The following ANO6 variants were observed in gnomAD, a reference collection of about 807,000 sequenced individuals.
ANO6 encodes the protein anoctamin-6.
In ANO6, 106 loss-of-function variants were observed where a neutral mutation model predicts 117.5. That is an observed-to-expected ratio of 0.90 (90% CI 0.77 to 1.06). The LOEUF is 1.06. Among genes scored for constraint, ANO6 ranks in the 50% least tolerant of loss-of-function variants. ANO6 has a pLI of 0.00. For synonymous variants in ANO6, 367 were observed against 385.1 expected (o/e 0.95, Z 0.55); for missense variants, 955 against 1,121.1 (o/e 0.85, Z 2.12).
At chr12:45,249,438 A>G (rs1947870793) in intron 1 of ANO6, among the ~76,000 whole-genome samples, 1 of 152,234 alleles carries the variant, frequency 6.6e-6, no homozygotes, top group Admixed American at 6.5e-5. Flanking sequence ...GAAAGTTTAT[A>G]AAGGTTTATA....
chr12:45,254,966 T>G (rs1937758874), intron 1 of ANO6, among the ~76,000 whole-genome samples: 1 of 152,230 alleles, frequency 6.6e-6, no homozygotes, highest in African/African-American at 2.4e-5. Flanking sequence ...AACTCATATA[T>G]TTTATGATTG....
intron 1 of ANO6, among the ~76,000 whole-genome samples, chr12:45,252,185 G>A (rs1365681631): frequency 2.0e-5 from 3 of 152,208 alleles, no homozygotes; most frequent in Non-Finnish European, 4.4e-5. Flanking sequence ...GATAGTGCCA[G>A]TTTCACCTGG....
intron 1 of ANO6, among the ~76,000 whole-genome samples, chr12:45,297,197 C>A (rs1447213791): frequency 6.6e-6 from 1 of 152,162 alleles, no homozygotes; most frequent in Non-Finnish European, 1.5e-5. Flanking sequence ...TATTCACTAT[C>A]TTTGATAATT....
intron 15 of ANO6, among the ~76,000 whole-genome samples, chr12:45,406,417 T>G (rs1377784896): frequency 1.3e-5 from 2 of 152,218 alleles, no homozygotes; most frequent in Non-Finnish European, 2.9e-5. Context: ...GTTAACTCAC[T>G]CTGGAGAAAT....
chr12:45,243,277 C>G lies in ANO6; in HGVS notation c.70+26886C>G, dbSNP rs1947773758. On this transcript the variant is annotated intron_variant, in intron 1 of 19. Transcript: ENST00000320560. ...GAGGCTGCAGTGAGCCATGATTGTG[C>G]CACTGCACTCCAGCCTGGGCTCCAG... 2.6e-5 allele frequency among the ~76,000 whole-genome samples: 4 copies of G among 151,974 alleles called. No individual in the cohort carries two copies. The South Asian group carries it at 6.3e-4, about 24-fold the overall frequency.
At chr12:45,413,382 C>A (rs564442003) in intron 16 of ANO6, among the ~76,000 whole-genome samples, 1 of 152,274 alleles carries the variant, frequency 6.6e-6, no homozygotes, top group South Asian at 2.1e-4. Context: ...ATATGCAGGG[C>A]AGAACATAAG....
At chr12:45,436,472 C>T (rs756662330), downstream of ANO6, among the ~76,000 whole-genome samples, 5 of 152,124 alleles carry the variant, frequency 3.3e-5, no homozygotes, top group Non-Finnish European at 5.9e-5. Flanking sequence ...CACTACTTGG[C>T]GTCATTATGA....
intron 8 of ANO6, among the ~76,000 whole-genome samples, chr12:45,359,076 G>A (rs939945912): frequency 1.3e-5 from 2 of 152,176 alleles, no homozygotes; most frequent in African/African-American, 4.8e-5. Flanking sequence ...GAGCCACTGT[G>A]CCCGGTCCTT....
intron 1 of ANO6, among the ~76,000 whole-genome samples, chr12:45,254,998 T>C (rs771120575): frequency 2.0e-5 from 3 of 152,242 alleles, no homozygotes; most frequent in Non-Finnish European, 4.4e-5. Flanking sequence ...GTTTTTAACT[T>C]ACTTTCCATA....
chr12:45,376,887 AAGAAG>A (rs1327112645), intron 9 of ANO6, among the ~76,000 whole-genome samples: 1 of 147,820 alleles, frequency 6.8e-6, no homozygotes, highest in East Asian at 2.4e-4. Context: ...GAAAAAAAAA[AAGAAG>A]AAGAATGATT....
chr12:45,286,093 A>G (rs1300585574), intron 1 of ANO6, among the ~76,000 whole-genome samples: 1 of 152,206 alleles, frequency 6.6e-6, no homozygotes, highest in African/African-American at 2.4e-5. Flanking sequence ...GCTTCTACTG[A>G]TAGAGTTGCA....
intron 1 of ANO6, among the ~76,000 whole-genome samples, chr12:45,224,019 G>A (rs1947444515): frequency 1.3e-5 from 2 of 152,176 alleles, no homozygotes; most frequent in South Asian, 2.1e-4. Flanking sequence ...AAAATGCTGA[G>A]TGTATGTATT....
chr12:45,370,703 A>G (rs1941801691), intron 9 of ANO6, among the ~76,000 whole-genome samples: 1 of 152,240 alleles, frequency 6.6e-6, no homozygotes, highest in South Asian at 2.1e-4. Context: ...TTTGGAGAAG[A>G]TGGTTCCATA....
intron 1 of ANO6, 76 bp from the exon 2 acceptor site, chr12:45,301,938 C>A: frequency 8.1e-7 from 1 of 1,239,294 alleles, no homozygotes; most frequent in Non-Finnish European, 1.2e-6. Context: ...CCCGGTGCTG[C>A]TGATTTAAAA....
intron 1 of ANO6, among the ~76,000 whole-genome samples, chr12:45,270,871 C>T (rs1413510793): frequency 6.6e-6 from 1 of 152,116 alleles, no homozygotes; most frequent in Non-Finnish European, 1.5e-5. Flanking sequence ...AGGTGCATGC[C>T]ACCACACCCA....
chr12:45,318,377 G>A (rs901833882), intron 2 of ANO6, among the ~76,000 whole-genome samples: 13 of 152,176 alleles, frequency 8.5e-5, no homozygotes, highest in African/African-American at 3.1e-4. Context: ...TTATTAAATA[G>A]GGAATCCTTT....
chr12:45,407,799 G>A (rs561042626), intron 15 of ANO6, among the ~76,000 whole-genome samples: 4 of 152,138 alleles, frequency 2.6e-5, no homozygotes, highest in Non-Finnish European at 5.9e-5. Context: ...CCTGACAGCA[G>A]CCCTGGGCAA....
rs184335193 is a variant in ANO6, at chr12:45,240,908, C to T, written c.70+24517C>T. The stretch of plus-strand genomic sequence containing the variant: ...CTCTTTTCTGGCTGTAGGGTTTCTG[C>T]TGAGAGATGCGCTGTTTGTCTGATG... On this transcript the variant is annotated intron_variant, in intron 1 of 19. Transcript: ENST00000320560. 5.3e-5 allele frequency among the ~76,000 whole-genome samples: 8 copies of T among 152,322 alleles called. No individual in the cohort carries two copies. The East Asian group carries it at 1.5e-3, about 29-fold the overall frequency.
At chr12:45,309,811 C>G (rs747301348) in intron 2 of ANO6, among the ~76,000 whole-genome samples, 1 of 151,968 alleles carries the variant, frequency 6.6e-6, no homozygotes, top group Non-Finnish European at 1.5e-5. Context: ...CTTGGACTTA[C>G]AAAGAAATAT....
Sources: allele counts gnomAD v4.1 joint callset (sites outside exome capture counted in the v4.1 genomes callset), GRCh38; gene constraint gnomAD v4.1.1; transcripts MANE v1.5; gene names NCBI Gene and HGNC (gene_info 2026-07-23, HGNC 2026-07-21).